CACNA1H: variants seen among roughly 807,000 people sequenced by gnomAD.
CACNA1H encodes the protein voltage-dependent T-type calcium channel subunit alpha-1H.
CACNA1H carries 149 observed loss-of-function variants against 192.5 expected under a neutral mutation model. The observed-to-expected ratio is 0.77, with a 90% CI of 0.68 to 0.89. The LOEUF is 0.89. Among genes scored for constraint, CACNA1H ranks in the 40% least tolerant of loss-of-function variants. The pLI is 0.00. For synonymous variants in CACNA1H, 2,202 were observed against 1,475.2 expected (o/e 1.49, Z -11.29); for missense variants, 4,257 against 3,423.5 (o/e 1.24, Z -6.08).
At position 1,206,250 on chromosome 16, in the gene CACNA1H, C is replaced by T; in HGVS notation, c.2750C>T (p.Thr917Ile). The change falls in exon 12 of 35, where the codon ACC becomes ATC. Residue 917 changes from threonine to isoleucine, a missense_variant. By Grantham distance (89) the Thr-to-Ile change is moderately conservative. Transcript: ENST00000348261. ...VLVKTMDNVA[T>I]FCTLLMLFIF... Reference sequence around the variant, plus strand: ...GTGAAGACCATGGACAACGTGGCTACCTTCTGCACGCTGCTCATGCTCTTC... The same window carrying T: ...GTGAAGACCATGGACAACGTGGCTATCTTCTGCACGCTGCTCATGCTCTTC... The T allele has an allele frequency of 1.9e-6, 3 of 1,585,490 alleles. No individual in the cohort carries two copies. Among genetic ancestry groups the T allele is most frequent in the South Asian group, 1.2e-5 (1 of 86,482 alleles).
In CACNA1H at chr16:1,221,470, C is replaced by T. The variant is rs1232318570; in HGVS notation, c.*476C>T. ...TGTCCGCCTGTCACGCCCTCACCAC[C>T]CTCCCCTTCCAGCCACCACCCTTTC... On this transcript the variant is annotated 3_prime_UTR_variant, in exon 35 of 35. Coordinates refer to ENST00000348261, the MANE Select transcript of CACNA1H (RefSeq NM_021098.3). 8.4e-6 allele frequency: 3 copies of T among 356,548 alleles called. No homozygotes were observed. Among genetic ancestry groups the T allele is most frequent in the Non-Finnish European group, 1.0e-5 (2 of 196,944 alleles). The allele number at this position is 356,548 out of a possible 1,614,324, so 22.1% of individuals were successfully genotyped here.
intron 9 of CACNA1H, among the ~76,000 whole-genome samples, chr16:1,202,822 C>T (rs1344147486): frequency 1.3e-5 from 2 of 152,112 alleles, no homozygotes; most frequent in Non-Finnish European, 2.9e-5. Flanking sequence ...GGACGTGCAG[C>T]GTCCTTCGTG....
chr16:1,201,918 G>A lies in CACNA1H; in HGVS notation c.1468G>A (p.Val490Met). The A allele has an allele frequency of 6.5e-7, 1 of 1,550,112 alleles. No homozygotes were observed. Among genetic ancestry groups the A allele is most frequent in the Non-Finnish European group, 8.7e-7 (1 of 1,146,930 alleles). Residue 490 changes from valine to methionine, a missense_variant, in exon 9 of 35, where the codon GTG (valine) becomes ATG (methionine). Transcript: ENST00000348261. The part of the protein sequence containing the change: ...ARWQSRWRKK[V>M]DPSAVQGQGP... ...CTGGCAGAGCCGCTGGCGCAAGAAG[G>A]TGGACCCCAGTGCTGTGCAAGGCCA...
At chr16:1,195,680 G>A (rs1966883630) in intron 4 of CACNA1H, 115 bp downstream of exon 4, 2 of 1,254,044 alleles carry the variant, frequency 1.6e-6, no homozygotes, top group Admixed American at 2.2e-5. Context: ...GAGGGATCCA[G>A]GTAGAGCCAG....
At position 1,211,884 on chromosome 16, in the gene CACNA1H, C is replaced by T; in HGVS notation, c.4567-62C>T. The T allele has an allele frequency of 5.0e-6, 8 of 1,609,772 alleles. No homozygotes were observed. In the East Asian group the frequency reaches 6.7e-5, roughly 13 times the overall value. On this transcript the variant is annotated intron_variant, in intron 24 of 34. Transcript: ENST00000348261. Reference sequence around the variant, plus strand: ...CCTTGGCCTCTGGGGACTCGGGGGGCCATCCTGGGTAGGGCCCCTGGCGGG... The same window carrying T: ...CCTTGGCCTCTGGGGACTCGGGGGGTCATCCTGGGTAGGGCCCCTGGCGGG...
chr16:1,198,632 A>T lies in CACNA1H; in HGVS notation c.661A>T (p.Thr221Ser). Residue 221 changes from threonine to serine, a missense_variant, in exon 6 of 35, where the codon ACT becomes TCT. Thr to Ser is a moderately conservative substitution (Grantham distance 58). Transcript: ENST00000348261. ...GCCCACAGGCATGCGGATCCTGGTC[A>T]CTCTGCTGCTGGATACGCTGCCCAT... is the stretch of plus-strand genomic sequence containing the variant. The part of the protein sequence containing the change: ...NRVPSMRILV[T>S]LLLDTLPMLG... 2 of 1,612,940 alleles carry T rather than the reference A, an allele frequency of 1.2e-6. No individual in the cohort carries two copies. The highest frequency in any genetic ancestry group is 1.7e-6 in the Non-Finnish European group (2 of 1,179,546).
rs1567533746 is a variant in CACNA1H at position 1,209,023 on chromosome 16, AC to A, written c.3364-3del. On this transcript the variant is annotated splice_polypyrimidine_tract_variant and splice_region_variant and intron_variant, in intron 16 of 34. Coordinates refer to ENST00000348261, the MANE Select transcript of CACNA1H (RefSeq NM_021098.3). ...TGCCACCAGGTCACTGACTCCCGCC[AC>A]CCCCCAGGCCAGCCTCCGAAGTTCT... The A allele has an allele frequency of 8.1e-6, 12 of 1,485,506 alleles. No individual in the cohort carries two copies. The highest frequency in any genetic ancestry group is 1.1e-5 in the Non-Finnish European group (12 of 1,126,378). 92.0% of individuals were successfully genotyped at this position (1,485,506 alleles called of 1,614,324 possible). A position where few individuals can be genotyped will look rare whatever the true frequency, so the allele number is the denominator to read the frequency against.
chr16:1,179,474 CGTT>C (rs1464250674), intron 2 of CACNA1H, among the ~76,000 whole-genome samples: 7 of 152,168 alleles, frequency 4.6e-5, no homozygotes, highest in East Asian at 1.9e-4. Context: ...GTGTGTGTGT[CGTT>C]GTTGTTGCTG....
intron 2 of CACNA1H, among the ~76,000 whole-genome samples, chr16:1,161,964 C>T (rs1389870602): frequency 2.6e-5 from 4 of 152,158 alleles, no homozygotes; most frequent in Non-Finnish European, 5.9e-5. Context: ...CACGGTGGGT[C>T]AGGCTGTGTC....
Position 1,198,609 on chromosome 16 carries a change from C to T in CACNA1H, c.644-6C>T. On this transcript the variant is annotated splice_region_variant and splice_polypyrimidine_tract_variant and intron_variant, in intron 5 of 34. Coordinates refer to ENST00000348261, the MANE Select transcript of CACNA1H (RefSeq NM_021098.3). Reference sequence around the variant, plus strand: ...GCAGTGCCAATCCTGGCCCTGCTGCCCACAGGCATGCGGATCCTGGTCACT... The same window carrying T: ...GCAGTGCCAATCCTGGCCCTGCTGCTCACAGGCATGCGGATCCTGGTCACT... 6.2e-7 allele frequency: 1 copy of T among 1,612,374 alleles called. No homozygotes were observed. The highest frequency in any genetic ancestry group is 1.3e-5 in the African/African-American group (1 of 74,992).
chr16:1,167,582 G>A lies in CACNA1H; in HGVS notation c.299+13546G>A, dbSNP rs1377899390. On this transcript the variant is annotated intron_variant, in intron 2 of 34. Coordinates refer to ENST00000348261, the MANE Select transcript of CACNA1H (RefSeq NM_021098.3). The surrounding 1 kb of genome is among the most constrained non-coding windows in gnomAD (Gnocchi z 4.2). ...GGCTGGAGCCACACTCCTCACCGCG[G>A]CGGTGCCACTAATGGGGTTGCCGTG... is the stretch of plus-strand genomic sequence containing the variant. Among the ~76,000 whole-genome samples, 3 of 152,218 alleles carry A rather than the reference G, an allele frequency of 2.0e-5. No individual in the cohort carries two copies. The highest frequency in any genetic ancestry group is 4.1e-4 in the South Asian group (2 of 4,830).
chr16:1,181,985 C>G (rs571606830), intron 2 of CACNA1H, among the ~76,000 whole-genome samples: 2 of 152,348 alleles, frequency 1.3e-5, no homozygotes, highest in East Asian at 3.9e-4. Flanking sequence ...CGCATGCACA[C>G]AGGCTCACTC....
chr16:1,209,537 AAGCAGGCCAGGCCAGGGAGGAATCCAGC>A (rs1969175584), intron 17 of CACNA1H, 125 bp downstream of exon 17: 1 of 1,219,750 alleles, frequency 8.2e-7, no homozygotes, highest in African/African-American at 1.5e-5. Context: ...AAGGGGAGAG[AAGCAGGCCAGGCCAGGGAGGAATCCAGC>A]AGTGTTCAGG....
At chr16:1,165,570 C>A (rs901908592) in intron 2 of CACNA1H, among the ~76,000 whole-genome samples, 2 of 152,164 alleles carry the variant, frequency 1.3e-5, no homozygotes, top group South Asian at 4.1e-4. Context: ...TGCATCTGGG[C>A]ATGGGAATTC....
rs1961817942 is a variant in CACNA1H, at chr16:1,153,287, G to A, written c.-202G>A. ...CGCCGGGCGAGCCGGAGCCGGAGTC[G>A]AGCCGCGGCCGGGAGCCGGGCGGGC... On this transcript the variant is annotated 5_prime_UTR_variant, in exon 1 of 35. Coordinates refer to ENST00000348261, the MANE Select transcript of CACNA1H (RefSeq NM_021098.3). 6.9e-6 allele frequency: 1 copy of A among 145,066 alleles called. No homozygotes were observed. The highest frequency in any genetic ancestry group is 1.8e-4 in the South Asian group (1 of 5,470). The allele number at this position is 145,066 out of a possible 1,614,324, so 9.0% of individuals were successfully genotyped here.
At chr16:1,207,893 G>T in intron 15 of CACNA1H, 33 bp downstream of exon 15, 2 of 1,559,926 alleles carry the variant, frequency 1.3e-6, no homozygotes. Flanking sequence ...CCGGGTTCTG[G>T]CGGGTGGAGT....
intron 2 of CACNA1H, among the ~76,000 whole-genome samples, chr16:1,185,500 G>GGCCCCC (rs772704160): frequency 7.1e-6 from 1 of 140,506 alleles, no homozygotes; most frequent in Non-Finnish European, 1.5e-5. Flanking sequence ...CATCTGCAGA[G>GGCCCCC]TCCCCCCCCC....
chr16:1,201,449 T>C (rs954412479), intron 8 of CACNA1H, among the ~76,000 whole-genome samples: 1 of 152,120 alleles, frequency 6.6e-6, no homozygotes, highest in African/African-American at 2.4e-5. Context: ...TCCAGGTCTT[T>C]TGTCCAGATA....
At chr16:1,190,675 G>A (rs914153048) in intron 2 of CACNA1H, among the ~76,000 whole-genome samples, 11 of 152,252 alleles carry the variant, frequency 7.2e-5, no homozygotes, top group African/African-American at 2.2e-4. Flanking sequence ...CTATACCACC[G>A]TCCCCTCCAG....
Sources: allele counts gnomAD v4.1 joint callset (sites outside exome capture counted in the v4.1 genomes callset), GRCh38; gene constraint gnomAD v4.1.1; non-coding constraint Gnocchi (gnomAD v3.1); transcripts MANE v1.5; gene names NCBI Gene and HGNC (gene_info 2026-07-23, HGNC 2026-07-21).